CSMD3: variants seen among roughly 807,000 people sequenced by gnomAD.
CSMD3 encodes the protein CUB and Sushi multiple domains 3, also known as CUB and sushi domain-containing protein 3.
A neutral mutation model predicts 435.2 loss-of-function variants in CSMD3; 177 were observed. The ratio of observed to expected loss-of-function variants is 0.41; its 90% CI spans 0.36 to 0.46. The LOEUF is 0.46. Among genes scored for constraint, CSMD3 ranks in the 20% least tolerant of loss-of-function variants. The pLI, the probability that CSMD3 is intolerant of heterozygous loss-of-function variation, is 0.34. For synonymous variants in CSMD3, 1,656 were observed against 1,520.5 expected (o/e 1.09, Z -2.07); for missense variants, 4,265 against 4,504.6 (o/e 0.95, Z 1.52).
intron 36 of CSMD3, among the ~76,000 whole-genome samples, chr8:112,386,643 G>A (rs964164775): frequency 6.6e-6 from 1 of 151,910 alleles, no homozygotes; most frequent in Non-Finnish European, 1.5e-5. Flanking sequence ...GACTACAGGC[G>A]CCCGCCACCA....
At chr8:113,284,264 C>G (rs958365428) in intron 2 of CSMD3, among the ~76,000 whole-genome samples, 4 of 152,100 alleles carry the variant, frequency 2.6e-5, no homozygotes, top group African/African-American at 9.7e-5. Context: ...GACTCAGAGT[C>G]TAAAACCAGT....
At chr8:112,597,150 G>A (rs201350037) in intron 22 of CSMD3, among the ~76,000 whole-genome samples, 84,539 of 148,490 alleles carry the variant, frequency 0.57, 24,578 homozygotes, top group African/African-American at 0.68. Context: ...AGAGAGAAGA[G>A]TCAAATAGAC....
At chr8:113,263,874 G>A (rs946210524) in intron 3 of CSMD3, among the ~76,000 whole-genome samples, 4 of 151,642 alleles carry the variant, frequency 2.6e-5, no homozygotes, top group African/African-American at 7.3e-5. Context: ...CAAGTACTGA[G>A]AAAATGAAAT....
chr8:112,873,943 C>A (rs937402071), intron 10 of CSMD3, among the ~76,000 whole-genome samples: 1 of 151,940 alleles, frequency 6.6e-6, no homozygotes. Flanking sequence ...TATTTCTTGT[C>A]GTCTGCTAGT....
At chr8:113,238,342 C>T (rs2093173577) in intron 3 of CSMD3, among the ~76,000 whole-genome samples, 1 of 151,942 alleles carries the variant, frequency 6.6e-6, no homozygotes, top group Non-Finnish European at 1.5e-5. Flanking sequence ...GAAACTTTTC[C>T]CCAAGGGGAA....
chr8:112,514,227 G>A (rs1228172179), intron 28 of CSMD3, among the ~76,000 whole-genome samples: 1 of 152,002 alleles, frequency 6.6e-6, no homozygotes, highest in Non-Finnish European at 1.5e-5. Flanking sequence ...CAATGCTGTG[G>A]TTGATTTTGA....
intron 3 of CSMD3, among the ~76,000 whole-genome samples, chr8:113,218,466 C>CAAA (rs35840130): frequency 1.3e-4 from 12 of 94,830 alleles, no homozygotes; most frequent in African/African-American, 3.5e-4. Flanking sequence ...TAAAGTGCTA[C>CAAA]AAAAAAAAAA....
chr8:113,337,786 T>C (rs1243590671), intron 1 of CSMD3, among the ~76,000 whole-genome samples: 1 of 151,900 alleles, frequency 6.6e-6, no homozygotes. Flanking sequence ...ACATGGTGAC[T>C]ATAGTTAACA....
At chr8:112,697,100 G>C (rs1468221764) in intron 13 of CSMD3, among the ~76,000 whole-genome samples, 1 of 151,214 alleles carries the variant, frequency 6.6e-6, no homozygotes, top group Non-Finnish European at 1.5e-5. Flanking sequence ...AGGATGTGGA[G>C]AAATAGGAAC....
chr8:112,879,242 C>T (rs1455731411), intron 10 of CSMD3, among the ~76,000 whole-genome samples: 4 of 152,080 alleles, frequency 2.6e-5, no homozygotes, highest in African/African-American at 7.2e-5. Flanking sequence ...CTAAAATGGC[C>T]GCTCTAGGAG....
At chr8:112,658,463 T>C (rs1393649004) in intron 17 of CSMD3, among the ~76,000 whole-genome samples, 5 of 152,206 alleles carry the variant, frequency 3.3e-5, no homozygotes, top group Admixed American at 3.3e-4. Context: ...ATTAAGTATA[T>C]AATTTAATAC....
At chr8:112,768,229 T>C (rs970329670) in intron 13 of CSMD3, among the ~76,000 whole-genome samples, 1 of 151,694 alleles carries the variant, frequency 6.6e-6, no homozygotes, top group Non-Finnish European at 1.5e-5. Flanking sequence ...GAGGCATTAA[T>C]AAAGATTTAA....
chr8:113,418,883 A>G (rs2094595724), intron 1 of CSMD3, among the ~76,000 whole-genome samples: 1 of 152,192 alleles, frequency 6.6e-6, no homozygotes, highest in Non-Finnish European at 1.5e-5. Context: ...GTTAATATTA[A>G]ATACATCTGA....
Position 112,317,746 on chromosome 8 carries a change from CA to C in CSMD3, c.7360+1090del, listed in dbSNP as rs560409501. On this transcript the variant is annotated intron_variant, in intron 47 of 70. Transcript: ENST00000297405. ...TTCCTGCTTTTCTTTTTGCTACCAT[CA>C]AAGCCTCCTGCAATCTTTTTATCTT... 2.7e-3 allele frequency among the ~76,000 whole-genome samples: 416 copies of C among 152,098 alleles called. 4 individuals carry two copies. Among genetic ancestry groups the C allele is most frequent in the African/African-American group, 9.4e-3 (391 of 41,518 alleles).
intron 38 of CSMD3, among the ~76,000 whole-genome samples, chr8:112,368,474 ATAT>A (rs1563849848): frequency 6.6e-6 from 1 of 152,198 alleles, no homozygotes; most frequent in Non-Finnish European, 1.5e-5. Flanking sequence ...TTACATAAAC[ATAT>A]TAATAGTGCT....
At chr8:112,381,803 A>G (rs981675582) in intron 37 of CSMD3, among the ~76,000 whole-genome samples, 4 of 152,140 alleles carry the variant, frequency 2.6e-5, no homozygotes. Context: ...TCTCATTCTA[A>G]CATTAGTTGT....
chr8:112,767,590 AAATT>A (rs778407025), intron 13 of CSMD3, among the ~76,000 whole-genome samples: 133 of 151,892 alleles, frequency 8.8e-4, no homozygotes, highest in Non-Finnish European at 1.4e-3. Flanking sequence ...GAGTTTAAAT[AAATT>A]AATATAAGCA....
chr8:113,325,520 G>A (rs562937593), intron 1 of CSMD3, among the ~76,000 whole-genome samples: 1 of 152,190 alleles, frequency 6.6e-6, no homozygotes, highest in Admixed American at 6.5e-5. Context: ...TGAAACTGTA[G>A]TTCATTAAAG....
At chr8:112,584,816 G>A (rs148026060) in intron 23 of CSMD3, among the ~76,000 whole-genome samples, 243 of 151,252 alleles carry the variant, frequency 1.6e-3, no homozygotes, top group African/African-American at 5.4e-3. Flanking sequence ...TTAAATATAG[G>A]GATCTAACTG....
Sources: gnomAD v4.1 joint callset for allele counts (sites outside exome capture counted in the v4.1 genomes callset) on GRCh38, gnomAD v4.1.1 for gene constraint, MANE v1.5 for transcripts, NCBI Gene and HGNC (gene_info 2026-07-23, HGNC 2026-07-21) for gene names.